The following FZD6 variants were observed in gnomAD, a reference collection of about 807,000 sequenced individuals.
FZD6 encodes the protein frizzled-6.
In FZD6, 49 loss-of-function variants were observed where a neutral mutation model predicts 61.4. The ratio of observed to expected loss-of-function variants is 0.80; its 90% CI spans 0.63 to 1.01. The LOEUF is 1.01. Ranked by LOEUF, FZD6 falls within the 50% of genes least tolerant of loss-of-function variation. The probability of loss-of-function intolerance (pLI) is 0.00; values close to 1 mark genes in which losing one functional copy is unlikely to be tolerated. For synonymous variants in FZD6, 265 were observed against 292.2 expected (o/e 0.91, Z 0.95); for missense variants, 724 against 848.2 (o/e 0.85, Z 1.82).
At chr8:103,318,910 G>C (rs567735464) in intron 3 of FZD6, 124 bp downstream of exon 3, 1 of 719,168 alleles carries the variant, frequency 1.4e-6, no homozygotes, top group African/African-American at 1.7e-5. Flanking sequence ...CTTAATATAT[G>C]TCAGGCACTA....
chr8:103,315,538 G>C (rs1019565003), intron 2 of FZD6, among the ~76,000 whole-genome samples: 1 of 152,116 alleles, frequency 6.6e-6, no homozygotes, highest in South Asian at 2.1e-4. Context: ...TTCCACTTAC[G>C]TAAAATTATA....
intron 5 of FZD6, among the ~76,000 whole-genome samples, chr8:103,329,012 T>TA (rs1241365085): frequency 9.0e-5 from 8 of 88,634 alleles, no homozygotes; most frequent in South Asian, 4.4e-4. Context: ...TCATTTTAGT[T>TA]TTATATATAT....
At chr8:103,310,799 T>A (rs1396228208) in intron 2 of FZD6, among the ~76,000 whole-genome samples, 1 of 152,206 alleles carries the variant, frequency 6.6e-6, no homozygotes. Flanking sequence ...AAAACCAAGC[T>A]AAGTGGTTAC....
At chr8:103,317,147 A>G (rs184231518) in intron 2 of FZD6, among the ~76,000 whole-genome samples, 75 of 152,350 alleles carry the variant, frequency 4.9e-4, no homozygotes, top group Admixed American at 3.6e-3. Context: ...TGAGGGCACA[A>G]GACTCACTAT....
chr8:103,300,975 GCCTTC>G (rs1814152531), intron 2 of FZD6, among the ~76,000 whole-genome samples: 1 of 152,114 alleles, frequency 6.6e-6, no homozygotes, highest in African/African-American at 2.4e-5. Context: ...ACAGGAACCT[GCCTTC>G]CCATACAGAT....
At position 103,319,186 on chromosome 8, in the gene FZD6, T is replaced by C. The variant is rs10086642; in HGVS notation, c.374+400T>C. On this transcript the variant is annotated intron_variant, in intron 3 of 6. Transcript: ENST00000358755. Reference sequence around the variant, plus strand: ...AGGGTAAGGGTAAGACAGAGGTAACTAGGCAATGAGAGGAGGGAAGAGCAT... The same window carrying C: ...AGGGTAAGGGTAAGACAGAGGTAACCAGGCAATGAGAGGAGGGAAGAGCAT... 4.6e-3 allele frequency among the ~76,000 whole-genome samples: 702 copies of C among 152,226 alleles called. 4 individuals carry two copies. The highest frequency in any genetic ancestry group is 0.015 in the African/African-American group (621 of 41,522).
chr8:103,306,535 G>A (rs1474904571), intron 2 of FZD6, among the ~76,000 whole-genome samples: 3 of 109,938 alleles, frequency 2.7e-5, no homozygotes, highest in East Asian at 3.0e-4. Flanking sequence ...ACAGAGTCTC[G>A]TTCTGTCACC....
intron 3 of FZD6, 107 bp from the exon 4 acceptor site, chr8:103,324,374 C>A: frequency 1.5e-6 from 1 of 657,340 alleles, no homozygotes; most frequent in Non-Finnish European, 2.5e-6. Flanking sequence ...CTCTTCCCAT[C>A]AATCATGAAT....
chr8:103,324,348 C>A, intron 3 of FZD6, 133 bp from the exon 4 acceptor site: 1 of 588,880 alleles, frequency 1.7e-6, no homozygotes. Context: ...TATCTGTAAT[C>A]CATTTAGATT....
intron 2 of FZD6, among the ~76,000 whole-genome samples, chr8:103,308,824 C>T (rs1050976979): frequency 6.6e-6 from 1 of 152,180 alleles, no homozygotes; most frequent in Admixed American, 6.5e-5. Flanking sequence ...TCTAGATGTT[C>T]TCTCCTGTTT....
chr8:103,331,216 C>T lies in FZD6; in HGVS notation c.1953-125C>T, dbSNP rs113458844. 4.8e-3 allele frequency: 3,780 copies of T among 782,680 alleles called. 93 individuals are homozygous for T. In the African/African-American group the frequency reaches 0.057, roughly 12 times the overall value. The allele number at this position is 782,680 out of a possible 1,614,324, so 48.5% of individuals were successfully genotyped here. A position where few individuals can be genotyped will look rare whatever the true frequency, so the allele number is the denominator to read the frequency against. Reference sequence around the variant, plus strand: ...TGTATTTTGAAGTGTTAAAGTACACCTGAAGACTGTTAGCTATTTATTCTC... The same window carrying T: ...TGTATTTTGAAGTGTTAAAGTACACTTGAAGACTGTTAGCTATTTATTCTC... On this transcript the variant is annotated intron_variant, in intron 6 of 6. Transcript: ENST00000358755.
intron 1 of FZD6, among the ~76,000 whole-genome samples, chr8:103,299,556 C>G (rs1248068875): frequency 6.6e-6 from 1 of 152,202 alleles, no homozygotes; most frequent in Non-Finnish European, 1.5e-5. Flanking sequence ...AGTTTAAGAA[C>G]TCTTTGGGTC....
At chr8:103,306,237 G>A (rs1814326182) in intron 2 of FZD6, among the ~76,000 whole-genome samples, 1 of 152,040 alleles carries the variant, frequency 6.6e-6, no homozygotes, top group Non-Finnish European at 1.5e-5. Context: ...GTAAATTCCT[G>A]CTTTTTGTTC....
At chr8:103,324,389 A>C (rs1814876671) in intron 3 of FZD6, 92 bp from the exon 4 acceptor site, 3 of 698,380 alleles carry the variant, frequency 4.3e-6, no homozygotes, top group Non-Finnish European at 7.2e-6. Flanking sequence ...ATGAATACAT[A>C]AGGTAATATT....
intron 2 of FZD6, among the ~76,000 whole-genome samples, chr8:103,314,423 A>G (rs1207611979): frequency 1.3e-5 from 2 of 152,062 alleles, no homozygotes; most frequent in Non-Finnish European, 2.9e-5. Context: ...CCCTTCTCCT[A>G]CCTCAGGCTC....
chr8:103,327,452 C>T (rs796708572), intron 4 of FZD6, among the ~76,000 whole-genome samples: 11 of 152,164 alleles, frequency 7.2e-5, no homozygotes, highest in African/African-American at 2.6e-4. Context: ...AAAAATTAGC[C>T]AGGCATGGTG....
chr8:103,302,613 G>T (rs1338823891), intron 2 of FZD6, among the ~76,000 whole-genome samples: 3 of 151,808 alleles, frequency 2.0e-5, no homozygotes, highest in African/African-American at 7.3e-5. Context: ...TTTTTTTTAG[G>T]CCCTTGTCCT....
chr8:103,312,358 C>G (rs1814518453), intron 2 of FZD6, among the ~76,000 whole-genome samples: 1 of 152,128 alleles, frequency 6.6e-6, no homozygotes, highest in Non-Finnish European at 1.5e-5. Context: ...TAAGTGAGAT[C>G]ATGAAAGCAC....
chr8:103,299,905 A>G, intron 1 of FZD6, 51 bp from the exon 2 acceptor site: 2 of 539,722 alleles, frequency 3.7e-6, no homozygotes, highest in Non-Finnish European at 6.7e-6. Flanking sequence ...TTGACTCCAC[A>G]TTTGAGTTTA....
Sources: allele counts gnomAD v4.1 joint callset (sites outside exome capture counted in the v4.1 genomes callset), GRCh38; gene constraint gnomAD v4.1.1; transcripts MANE v1.5; gene names NCBI Gene and HGNC (gene_info 2026-07-23, HGNC 2026-07-21).